LRRC4C: variants seen among roughly 807,000 people sequenced by gnomAD.
The protein encoded by LRRC4C is leucine rich repeat containing 4C.
Under a neutral mutation model 33.6 loss-of-function variants are expected in LRRC4C, and 5 were observed. The ratio of observed to expected loss-of-function variants is 0.15; its 90% CI spans 0.08 to 0.31. The LOEUF (loss-of-function observed/expected upper bound fraction) is 0.31. LRRC4C is among the 10% of genes least tolerant of loss of function. LRRC4C has a pLI of 1.00. For missense variants in LRRC4C, 560 were observed against 796.7 expected, an observed-to-expected ratio of 0.70 and a Z score of 3.58; for synonymous variants, 329 against 302.0, an observed-to-expected ratio of 1.09 and a Z score of -0.93.
At chr11:40,482,837 C>A (rs565538182) in intron 3 of LRRC4C, among the ~76,000 whole-genome samples, 1 of 152,212 alleles carries the variant, frequency 6.6e-6, no homozygotes, top group South Asian at 2.1e-4. Flanking sequence ...AGGGGCAAAT[C>A]TTCTTAGGAA....
intron 1 of LRRC4C, among the ~76,000 whole-genome samples, chr11:41,231,806 T>C (rs1947813163): frequency 6.6e-6 from 1 of 151,808 alleles, no homozygotes; most frequent in African/African-American, 2.4e-5. Flanking sequence ...TATATACAAA[T>C]ATATGTAGAT....
chr11:40,750,740 C>T (rs1272350066), intron 2 of LRRC4C, among the ~76,000 whole-genome samples: 2 of 148,802 alleles, frequency 1.3e-5, no homozygotes, highest in Non-Finnish European at 3.0e-5. Context: ...CAACATGGCA[C>T]ATGTATACAT....
chr11:40,934,655 C>T (rs1592130937), intron 1 of LRRC4C, among the ~76,000 whole-genome samples: 1 of 152,044 alleles, frequency 6.6e-6, no homozygotes, highest in African/African-American at 2.4e-5. Context: ...TCTTAGTCTC[C>T]TCTGAGGTTT....
chr11:40,378,388 C>G (rs1948739136), intron 3 of LRRC4C, among the ~76,000 whole-genome samples: 1 of 151,662 alleles, frequency 6.6e-6, no homozygotes, highest in African/African-American at 2.4e-5. Context: ...TTCTCATTTC[C>G]ATGAACAATT....
intron 1 of LRRC4C, among the ~76,000 whole-genome samples, chr11:41,238,365 A>G (rs947328675): frequency 6.6e-6 from 1 of 152,142 alleles, no homozygotes; most frequent in Admixed American, 6.5e-5. Flanking sequence ...TTTGACCTAT[A>G]TTTAATAATA....
intron 1 of LRRC4C, among the ~76,000 whole-genome samples, chr11:41,321,624 T>C (rs915150864): frequency 2.0e-5 from 3 of 152,272 alleles, no homozygotes; most frequent in South Asian, 2.1e-4. Flanking sequence ...CTGATTTCAC[T>C]CATGTAGTCC....
chr11:40,800,468 G>A (rs958917758), intron 2 of LRRC4C, among the ~76,000 whole-genome samples: 1 of 152,054 alleles, frequency 6.6e-6, no homozygotes, highest in African/African-American at 2.4e-5. Flanking sequence ...TAAGTCATTC[G>A]CCCTTTTCCG....
At chr11:41,395,380 T>C (rs1857932) in intron 1 of LRRC4C, among the ~76,000 whole-genome samples, 37,710 of 151,892 alleles carry the variant, frequency 0.25, 5,800 homozygotes, top group Admixed American at 0.36. Context: ...TAATGAGGTC[T>C]GGAGACGTGT....
rs572956504 is a variant in LRRC4C at position 41,333,122 on chromosome 11, T to C, written c.-496+126309A>G. On this transcript the variant is annotated intron_variant, in intron 1 of 6. Transcript: ENST00000528697. Reference sequence around the variant, plus strand: ...AAGAATTGCAAATTAAGGTATTTTATACAGAAAAAGCCAAGCTAAGCAAAT... The same window carrying C: ...AAGAATTGCAAATTAAGGTATTTTACACAGAAAAAGCCAAGCTAAGCAAAT... Among the ~76,000 whole-genome samples the C allele has an allele frequency of 1.1e-3, 163 of 152,322 alleles. 1 individual carries two copies. Among genetic ancestry groups the C allele is most frequent in the African/African-American group, 3.8e-3 (156 of 41,582 alleles).
chr11:41,385,134 C>T (rs1391478601), intron 1 of LRRC4C, among the ~76,000 whole-genome samples: 1 of 150,926 alleles, frequency 6.6e-6, no homozygotes, highest in Admixed American at 6.6e-5. Context: ...CAGAGAACTA[C>T]AAAGAGAAAT....
At chr11:40,517,031 G>A (rs1337691551) in intron 3 of LRRC4C, among the ~76,000 whole-genome samples, 1 of 152,048 alleles carries the variant, frequency 6.6e-6, no homozygotes, top group Non-Finnish European at 1.5e-5. Flanking sequence ...GTTATACAAT[G>A]GTCAGTTCCT....
chr11:41,373,456 G>T (rs1339295427), intron 1 of LRRC4C, among the ~76,000 whole-genome samples: 2 of 152,158 alleles, frequency 1.3e-5, no homozygotes, highest in African/African-American at 4.8e-5. Context: ...GATAATTGAA[G>T]TCTTCCCTAA....
chr11:40,621,394 A>T (rs78691309), intron 3 of LRRC4C, among the ~76,000 whole-genome samples: 3,070 of 151,834 alleles, frequency 0.02, 49 homozygotes, highest in South Asian at 0.038. Flanking sequence ...GGTTGCCTAG[A>T]CACACCACAC....
At chr11:40,131,235 T>C (rs1856623730) in intron 6 of LRRC4C, among the ~76,000 whole-genome samples, 2 of 152,176 alleles carry the variant, frequency 1.3e-5, no homozygotes, top group South Asian at 2.1e-4. Flanking sequence ...CTAAGACTTA[T>C]ATGTGAACCA....
chr11:40,452,436 A>T (rs1398195274), intron 3 of LRRC4C, among the ~76,000 whole-genome samples: 1 of 152,252 alleles, frequency 6.6e-6, no homozygotes, highest in African/African-American at 2.4e-5. Context: ...ATAAATGCTC[A>T]TCATCACTGG....
intron 2 of LRRC4C, among the ~76,000 whole-genome samples, chr11:40,905,594 G>C (rs973608982): frequency 6.6e-6 from 1 of 152,172 alleles, no homozygotes; most frequent in African/African-American, 2.4e-5. Context: ...AATATTACAC[G>C]TGCTACACAT....
At chr11:40,127,695 C>A (rs1334032436) in intron 6 of LRRC4C, among the ~76,000 whole-genome samples, 3 of 152,114 alleles carry the variant, frequency 2.0e-5, no homozygotes, top group African/African-American at 7.2e-5. Flanking sequence ...ATGAATGGAA[C>A]CGATCTCCAA....
intron 1 of LRRC4C, among the ~76,000 whole-genome samples, chr11:41,010,057 A>T (rs189403868): frequency 6.3e-4 from 96 of 152,266 alleles, no homozygotes; most frequent in Non-Finnish European, 9.9e-4. Context: ...GAATGCCAAA[A>T]ATTGTCAGCA....
intron 2 of LRRC4C, among the ~76,000 whole-genome samples, chr11:40,766,651 T>C (rs1004481530): frequency 6.6e-5 from 10 of 152,244 alleles, no homozygotes; most frequent in African/African-American, 2.4e-4. Context: ...AGATTTCTCT[T>C]TGACACATGT....
Sources: allele counts gnomAD v4.1 joint callset (sites outside exome capture counted in the v4.1 genomes callset), GRCh38; gene constraint gnomAD v4.1.1; transcripts MANE v1.5; gene names NCBI Gene and HGNC (gene_info 2026-07-23, HGNC 2026-07-21).